Variants in SPEN observed in about 807,000 individuals in gnomAD.
SPEN encodes the protein msx2-interacting protein.
A neutral mutation model predicts 269.9 loss-of-function variants in SPEN; 18 were observed. The ratio of observed to expected loss-of-function variants is 0.07; its 90% confidence interval spans 0.05 to 0.10. The LOEUF (loss-of-function observed/expected upper bound fraction) is 0.10. SPEN is among the 10% of genes least tolerant of loss of function. The pLI is 1.00. For synonymous variants in SPEN, 1,726 were observed against 1,765.7 expected, an observed-to-expected ratio of 0.98 and a Z score of 0.56; for missense variants, 3,822 against 4,631.2, an observed-to-expected ratio of 0.83 and a Z score of 5.07.
chr1:15,935,046 A>G lies in SPEN; in HGVS notation c.8806A>G (p.Ile2936Val). ...CACAGTGAAGGTTCTCACCCAGGGG[A>G]TCAACACACCCCCTGTGCTGGTTCA... Reference protein sequence around the residue: ...GGTVKVLTQGINTPPVLVHNQ... With the variant: ...GGTVKVLTQGVNTPPVLVHNQ... The change falls in exon 11 of 15, where the codon ATC (isoleucine) becomes GTC (valine). Residue 2936 changes from isoleucine to valine, a missense_variant. Around this residue, in one of 16 missense-constraint regions of SPEN, gnomAD observed 20 missense variants for 60.7 expected, o/e 0.33. Transcript: ENST00000375759. The surrounding 1 kb of genome is among the most constrained non-coding windows in gnomAD (Gnocchi z 7.7). The G allele has an allele frequency of 6.2e-7, 1 of 1,613,852 alleles. No homozygotes were observed. Among genetic ancestry groups the G allele is most frequent in the Non-Finnish European group, 8.5e-7 (1 of 1,179,922 alleles).
chr1:15,882,178 A>G (rs757842989), intron 3 of SPEN, among the ~76,000 whole-genome samples: 5 of 152,130 alleles, frequency 3.3e-5, no homozygotes, highest in African/African-American at 9.7e-5. Context: ...ATGTGCTGCT[A>G]TGTACTGCTC....
intron 3 of SPEN, among the ~76,000 whole-genome samples, chr1:15,886,432 G>C (rs1306495857): frequency 6.6e-6 from 1 of 152,144 alleles, no homozygotes; most frequent in East Asian, 1.9e-4. Flanking sequence ...CCTCCCGGAG[G>C]CTTCCTTGTT....
chr1:15,927,861 G>C (rs547666099), intron 10 of SPEN, among the ~76,000 whole-genome samples: 1 of 152,214 alleles, frequency 6.6e-6, no homozygotes. Context: ...CTATAAACTA[G>C]GTCTACAAAA....
At position 15,910,359 on chromosome 1, in the gene SPEN, A is replaced by G. The variant is rs930087589; in HGVS notation, c.1043-742A>G. Among the ~76,000 whole-genome samples, 3 of 152,070 alleles carry G rather than the reference A, an allele frequency of 2.0e-5. No individual in the cohort carries two copies. In the South Asian group the frequency reaches 6.2e-4, roughly 32 times the overall value. ...CCCAGATGGTATGATTCATCTGTAA[A>G]GGATACTAAAATTGTTTAGCATGCT... is the stretch of plus-strand genomic sequence containing the variant. On this transcript the variant is annotated intron_variant, in intron 4 of 14. Transcript: ENST00000375759.
rs565802496 is a variant in SPEN, at chr1:15,930,696, G to A, written c.4456G>A (p.Ala1486Thr). Residue 1486 changes from alanine to threonine, a missense_variant, in exon 11 of 15, where the codon GCT becomes ACT. Ala to Thr is a moderately conservative substitution (Grantham distance 58). This residue lies in a region of SPEN where 267 missense variants were observed against 315.5 expected (regional missense o/e 0.85). Coordinates refer to ENST00000375759, the MANE Select transcript of SPEN (RefSeq NM_015001.3). The surrounding 1 kb of genome is among the most constrained non-coding windows in gnomAD (Gnocchi z 5.3). Reference protein sequence around the residue: ...NNKDKEKVDSAPRPIPSWYMK... With the variant: ...NNKDKEKVDSTPRPIPSWYMK... ...CAAAGATAAAGAAAAGGTTGACTCT[G>A]CTCCAAGACCTATTCCATCCTGGTA... The A allele has an allele frequency of 1.2e-6, 2 of 1,614,076 alleles. No individual in the cohort carries two copies. Among genetic ancestry groups the A allele is most frequent in the East Asian group, 2.2e-5 (1 of 44,884 alleles).
intron 3 of SPEN, among the ~76,000 whole-genome samples, chr1:15,901,268 T>C (rs1387534432): frequency 3.3e-5 from 5 of 150,882 alleles, no homozygotes; most frequent in Non-Finnish European, 5.9e-5. Context: ...TGAGCCAAGA[T>C]TGCGCCGCTG....
intron 1 of SPEN, among the ~76,000 whole-genome samples, chr1:15,859,804 G>A (rs936068357): frequency 7.3e-5 from 11 of 151,376 alleles, no homozygotes; most frequent in African/African-American, 2.4e-4. Flanking sequence ...CTTATTTCTG[G>A]AGAAAGCTTT....
At chr1:15,926,038 A>G (rs16852096) in intron 10 of SPEN, among the ~76,000 whole-genome samples, 5,293 of 152,248 alleles carry the variant, frequency 0.035, 296 homozygotes, top group African/African-American at 0.12. Context: ...CTTGAATCCA[A>G]TTAAACCAAA....
intron 1 of SPEN, among the ~76,000 whole-genome samples, chr1:15,849,387 G>C (rs1275138180): frequency 6.6e-6 from 1 of 152,258 alleles, no homozygotes; most frequent in Non-Finnish European, 1.5e-5. Flanking sequence ...CGGCGGCGGA[G>C]CTCCTGTCTT....
At chr1:15,891,917 AACTT>A (rs914724726) in intron 3 of SPEN, among the ~76,000 whole-genome samples, 181 of 151,964 alleles carry the variant, frequency 1.2e-3, no homozygotes, top group African/African-American at 4.1e-3. Flanking sequence ...AAAAAAAAAA[AACTT>A]ATTTATGTTG....
At position 15,932,535 on chromosome 1, in the gene SPEN, G is replaced by C. The variant is rs866283388; in HGVS notation, c.6295G>C (p.Ala2099Pro). Residue 2099 changes from alanine to proline, a missense_variant, in exon 11 of 15, where the codon GCT (alanine) becomes CCT (proline). Physicochemically the swap from Ala to Pro is conservative, Grantham distance 27. This residue lies in a region of SPEN where 727 missense variants were observed against 737.9 expected (regional missense o/e 0.99). Coordinates refer to ENST00000375759, the MANE Select transcript of SPEN (RefSeq NM_015001.3). The surrounding 1 kb of genome is among the most constrained non-coding windows in gnomAD (Gnocchi z 4.2). ...TGCAAGTCTGAAAAATGTGGATGCT[G>C]CTGTCAGTCCCAGGGGGGCTGCAGC... ...KSASLKNVDA[A>P]VSPRGAAAQA... 6.3e-7 allele frequency: 1 copy of C among 1,599,706 alleles called. No individual in the cohort carries two copies. The highest frequency in any genetic ancestry group is 1.3e-5 in the African/African-American group (1 of 74,336).
Position 15,931,399 on chromosome 1 carries a change from A to T in SPEN, c.5159A>T (p.Glu1720Val), listed in dbSNP as rs1338126975. ...GCTGCCATGATGCCTGCGGGTGTTG[A>T]GGAAGGTTCATCAGGTGACCAGCCG... is the stretch of plus-strand genomic sequence containing the variant. ...KEAAMMPAGV[E>V]EGSSGDQPPY... The change falls in exon 11 of 15, where the codon GAG (glutamate) becomes GTG (valine). Residue 1720 changes from glutamate to valine, a missense_variant. Physicochemically the swap from Glu to Val is moderately radical, Grantham distance 121. Around this residue, in one of 16 missense-constraint regions of SPEN, gnomAD observed 533 missense variants for 618.8 expected, o/e 0.86. Coordinates refer to ENST00000375759, the MANE Select transcript of SPEN (RefSeq NM_015001.3). The surrounding 1 kb of genome is among the most constrained non-coding windows in gnomAD (Gnocchi z 4.8). 2 of 1,614,018 alleles carry T rather than the reference A, an allele frequency of 1.2e-6. No homozygotes were observed. The highest frequency in any genetic ancestry group is 3.3e-5 in the Admixed American group (2 of 59,980).
Position 15,930,037 on chromosome 1 carries a change from A to G in SPEN, c.3797A>G (p.His1266Arg). Residue 1266 changes from histidine (H) to arginine (R), a missense_variant, in exon 11 of 15, where the codon CAT (histidine) becomes CGT (arginine). Physicochemically the swap from His to Arg is conservative, Grantham distance 29. This residue lies in a region of SPEN where 267 missense variants were observed against 315.5 expected (regional missense o/e 0.85). Transcript: ENST00000375759. The surrounding 1 kb of genome is among the most constrained non-coding windows in gnomAD (Gnocchi z 5.3). ...ACTGGTGGTTCTCCCAGTGTCCGAC[A>G]TGGTTCCTTCCATGAAGATGAGGAT... ...ERTGGSPSVRHGSFHEDEDPI... is the reference protein window; with the variant it reads ...ERTGGSPSVRRGSFHEDEDPI... 3.7e-6 allele frequency: 6 copies of G among 1,614,190 alleles called. No homozygotes were observed. Among genetic ancestry groups the G allele is most frequent in the East Asian group, 2.2e-5 (1 of 44,886 alleles).
At chr1:15,899,310 G>C (rs1016086404) in intron 3 of SPEN, among the ~76,000 whole-genome samples, 3 of 152,142 alleles carry the variant, frequency 2.0e-5, no homozygotes, top group Admixed American at 6.6e-5. Flanking sequence ...AAGTAGCTGG[G>C]ACTACAGGCA....
chr1:15,937,425 C>T lies in SPEN; in HGVS notation c.10289C>T (p.Ser3430Phe). 6.2e-7 allele frequency: 1 copy of T among 1,613,736 alleles called. No individual in the cohort carries two copies. ...QRAQAETGPT[S>F]FPSPVSVSMK... ...GCACAAGCAGAAACAGGCCCGACTT[C>T]CTTCCCCTCCCCTGTGTCTGTCTCC... is the stretch of plus-strand genomic sequence containing the variant. The change falls in exon 12 of 15, where the codon TCC (serine) becomes TTC (phenylalanine). Residue 3430 changes from serine to phenylalanine, a missense_variant. Physicochemically the swap from Ser to Phe is radical, Grantham distance 155. Transcript: ENST00000375759. This position sits in a 1 kb window ranked among gnomAD's most constrained non-coding sequence, Gnocchi z 5.7.
chr1:15,891,094 C>T (rs991477460), intron 3 of SPEN, among the ~76,000 whole-genome samples: 6 of 152,162 alleles, frequency 3.9e-5, no homozygotes, highest in East Asian at 1.9e-4. Flanking sequence ...AATGCTTAAG[C>T]GTAGCCCAGA....
intron 3 of SPEN, among the ~76,000 whole-genome samples, chr1:15,890,750 A>G (rs1158597112): frequency 6.6e-6 from 1 of 152,078 alleles, no homozygotes; most frequent in Non-Finnish European, 1.5e-5. Context: ...CCCCGAAAAG[A>G]AACCTCATAC....
chr1:15,872,368 G>A (rs1379363168), intron 1 of SPEN, among the ~76,000 whole-genome samples: 5 of 151,966 alleles, frequency 3.3e-5, no homozygotes, highest in Admixed American at 2.0e-4. Context: ...TAAGGCGGGC[G>A]GATCACGAGG....
At chr1:15,859,013 T>G (rs2070414766) in intron 1 of SPEN, among the ~76,000 whole-genome samples, 1 of 152,208 alleles carries the variant, frequency 6.6e-6, no homozygotes, top group African/African-American at 2.4e-5. Flanking sequence ...CATTGGTGTA[T>G]CAGTTACTTT....
Sources: allele counts gnomAD v4.1 joint callset (sites outside exome capture counted in the v4.1 genomes callset), GRCh38; gene constraint gnomAD v4.1.1; regional missense constraint gnomAD v4.1.1; non-coding constraint Gnocchi (gnomAD v3.1); transcripts MANE v1.5; gene names NCBI Gene and HGNC (gene_info 2026-07-23, HGNC 2026-07-21).